NPFFR1: variants seen among roughly 807,000 people sequenced by gnomAD.
NPFFR1 encodes the protein G-protein coupled receptor 147.
A neutral mutation model predicts 12.7 loss-of-function variants in NPFFR1; 17 were observed. That is an observed-to-expected ratio of 1.34 (90% CI 0.92 to 2.01). The LOEUF is 2.01. NPFFR1 is among the 30% of genes most tolerant of loss of function. The pLI is 0.00. For missense variants in NPFFR1, 604 were observed against 606.5 expected, an observed-to-expected ratio of 1.00 and a Z score of 0.04; for synonymous variants, 296 against 264.5, an observed-to-expected ratio of 1.12 and a Z score of -1.16.
At chr10:70,271,243 T>C (rs1281578273) in intron 1 of NPFFR1, among the ~76,000 whole-genome samples, 1 of 152,200 alleles carries the variant, frequency 6.6e-6, no homozygotes, top group Non-Finnish European at 1.5e-5. Flanking sequence ...CCAGGTGCCA[T>C]GGCTCACCCC....
At chr10:70,279,200 G>A (rs13376957) in intron 1 of NPFFR1, among the ~76,000 whole-genome samples, 57,791 of 151,980 alleles carry the variant, frequency 0.38, 11,030 homozygotes, top group Non-Finnish European at 0.41. Flanking sequence ...CACCCATGCT[G>A]GAGTGCAGAG....
chr10:70,262,861 C>G (rs1316909795), intron 2 of NPFFR1, among the ~76,000 whole-genome samples: 3 of 152,172 alleles, frequency 2.0e-5, no homozygotes, highest in Non-Finnish European at 4.4e-5. Flanking sequence ...ACCTAGAACC[C>G]AGATCTTGGC....
intron 3 of NPFFR1, 30 bp downstream of exon 3, chr10:70,260,610 C>T (rs1344992432): frequency 1.3e-6 from 2 of 1,573,408 alleles, no homozygotes; most frequent in Non-Finnish European, 1.7e-6. Context: ...CTAGTTGGCT[C>T]AGGCATAATC....
chr10:70,265,436 G>A (rs755919286), intron 2 of NPFFR1, among the ~76,000 whole-genome samples: 6 of 152,326 alleles, frequency 3.9e-5, no homozygotes, highest in East Asian at 1.9e-4. Context: ...AGGATGCACC[G>A]GCAGGAATTT....
At chr10:70,267,491 G>T (rs1021605095) in intron 1 of NPFFR1, among the ~76,000 whole-genome samples, 1 of 152,156 alleles carries the variant, frequency 6.6e-6, no homozygotes, top group Non-Finnish European at 1.5e-5. Context: ...GGTCAGAAAG[G>T]TTCCATGACT....
chr10:70,274,900 T>C (rs1840786839), intron 1 of NPFFR1, among the ~76,000 whole-genome samples: 1 of 152,218 alleles, frequency 6.6e-6, no homozygotes, highest in African/African-American at 2.4e-5. Context: ...GCAAAAGCTT[T>C]CTTAGTACTG....
chr10:70,280,659 A>G (rs753735690), intron 1 of NPFFR1, among the ~76,000 whole-genome samples: 5 of 152,152 alleles, frequency 3.3e-5, no homozygotes, highest in South Asian at 4.1e-4. Context: ...TGAACAATAC[A>G]TTATTTTCTT....
intron 1 of NPFFR1, among the ~76,000 whole-genome samples, chr10:70,281,469 G>A (rs559463061): frequency 5.5e-4 from 83 of 152,042 alleles, no homozygotes; most frequent in African/African-American, 1.9e-3. Flanking sequence ...TCCACTGCCC[G>A]GCATCATCTC....
chr10:70,283,140 G>GTA (rs1277713652), intron 1 of NPFFR1, among the ~76,000 whole-genome samples: 2 of 151,690 alleles, frequency 1.3e-5, no homozygotes, highest in Non-Finnish European at 2.9e-5. Flanking sequence ...TTTTGTGTGT[G>GTA]TGTGTGTGTG....
At chr10:70,278,705 T>C (rs893900899) in intron 1 of NPFFR1, among the ~76,000 whole-genome samples, 2 of 152,222 alleles carry the variant, frequency 1.3e-5, no homozygotes, top group Non-Finnish European at 2.9e-5. Flanking sequence ...GGCAGTGTCC[T>C]GATGAACTTT....
At chr10:70,259,352 C>A (rs1255412602) in intron 3 of NPFFR1, among the ~76,000 whole-genome samples, 3 of 151,768 alleles carry the variant, frequency 2.0e-5, no homozygotes, top group African/African-American at 7.3e-5. Flanking sequence ...ATTCTTAAAG[C>A]CTGTAGTGCT....
At chr10:70,282,069 T>C (rs1840868301) in intron 1 of NPFFR1, among the ~76,000 whole-genome samples, 1 of 152,202 alleles carries the variant, frequency 6.6e-6, no homozygotes, top group African/African-American at 2.4e-5. Flanking sequence ...GGCACTTCCT[T>C]CATTCTCTGT....
Position 70,251,600 on chromosome 10 carries a change from G to A in NPFFR1, c.*3357C>T, listed in dbSNP as rs1333143013. The A allele has an allele frequency of 1.4e-5, 2 of 146,030 alleles. No individual in the cohort carries two copies. The highest frequency in any genetic ancestry group is 4.9e-5 in the African/African-American group (2 of 40,960). The allele number at this position is 146,030 out of a possible 1,614,324, so 9.0% of individuals were successfully genotyped here. On this transcript the variant is annotated 3_prime_UTR_variant, in exon 4 of 4. Coordinates refer to ENST00000277942, the MANE Select transcript of NPFFR1 (RefSeq NM_022146.5). ...GAGGCCCTCTGGGTGGGGATGCTCA[G>A]TGTCAACAGGCCTCTGGCCCTTTTC...
chr10:70,260,596 G>A, intron 3 of NPFFR1, 44 bp downstream of exon 3: 1 of 1,518,596 alleles, frequency 6.6e-7, no homozygotes. Flanking sequence ...CTTAATGCCA[G>A]GCCCTAGTTG....
In NPFFR1 at chr10:70,283,797, G is replaced by A. The variant is rs1034453704; in HGVS notation, c.-121C>T. 8.9e-7 allele frequency: 1 copy of A among 1,120,262 alleles called. No individual in the cohort carries two copies. The highest frequency in any genetic ancestry group is 1.3e-6 in the Non-Finnish European group (1 of 778,142). 69.4% of individuals were successfully genotyped at this position (1,120,262 alleles called of 1,614,324 possible). ...TTGCGGGCTGCGCCCCTGCCTCCGC[G>A]CTCCGCAGGTCCGGTCGGTCCGGGC... On this transcript the variant is annotated 5_prime_UTR_variant, in exon 1 of 4. Transcript: ENST00000277942.
chr10:70,270,911 G>A (rs1261158671), intron 1 of NPFFR1, among the ~76,000 whole-genome samples: 4 of 152,294 alleles, frequency 2.6e-5, no homozygotes, highest in East Asian at 1.9e-4. Context: ...AGAGATCAGG[G>A]TGTATAGTTC....
chr10:70,267,042 C>T (rs1232385912), intron 1 of NPFFR1, among the ~76,000 whole-genome samples: 1 of 152,210 alleles, frequency 6.6e-6, no homozygotes, highest in Non-Finnish European at 1.5e-5. Flanking sequence ...TCTCTTCTTC[C>T]ATTAAACTCT....
chr10:70,266,285 G>A lies in NPFFR1; in HGVS notation c.114C>T (p.His38=). 1 of 1,613,920 alleles carries A rather than the reference G, an allele frequency of 6.2e-7. No individual in the cohort carries two copies. The part of the protein sequence containing the change: ...TNLTFSSYYQ[H]TSPVAAMFIV... ...TGAACATGGCCGCCACAGGGGAGGT[G>A]TGCTGATAGTAGGAGGAGAAGGTGA... Residue 38 remains histidine (H), a synonymous_variant, in exon 2 of 4, where the codon CAC becomes CAT. Coordinates refer to ENST00000277942, the MANE Select transcript of NPFFR1 (RefSeq NM_022146.5).
intron 1 of NPFFR1, among the ~76,000 whole-genome samples, chr10:70,268,020 A>T (rs1187896306): frequency 6.6e-6 from 1 of 152,250 alleles, no homozygotes; most frequent in Non-Finnish European, 1.5e-5. Context: ...AATGTCAAAC[A>T]TGTAGAAGAG....
Sources: allele counts gnomAD v4.1 joint callset (sites outside exome capture counted in the v4.1 genomes callset), GRCh38; gene constraint gnomAD v4.1.1; transcripts MANE v1.5; gene names NCBI Gene and HGNC (gene_info 2026-07-23, HGNC 2026-07-21).